The following PCDH15 variants were observed in gnomAD, a reference collection of about 807,000 sequenced individuals.
PCDH15 encodes the protein protocadherin-15.
A neutral mutation model predicts 178.5 loss-of-function variants in PCDH15; 129 were observed. That is an observed-to-expected ratio of 0.72 (90% CI 0.63 to 0.84). The LOEUF (loss-of-function observed/expected upper bound fraction) is 0.84, where lower values mean the gene tolerates loss of function less well. Ranked by LOEUF, PCDH15 falls within the 40% of genes least tolerant of loss-of-function variation. PCDH15 has a pLI of 0.00. For missense variants in PCDH15, 2,230 were observed against 2,099.9 expected, an observed-to-expected ratio of 1.06 and a Z score of -1.21; for synonymous variants, 800 against 732.0, an observed-to-expected ratio of 1.09 and a Z score of -1.50.
At chr10:54,618,612 G>A (rs1041427217) in intron 2 of PCDH15, among the ~76,000 whole-genome samples, 1 of 152,052 alleles carries the variant, frequency 6.6e-6, no homozygotes. Flanking sequence ...ATCTCTGTAT[G>A]TAAATAGACA....
In PCDH15 at chr10:54,450,227, T is replaced by C. The variant is rs997386595; in HGVS notation, c.158-71285A>G. On this transcript the variant is annotated intron_variant, in intron 3 of 37. Transcript: ENST00000644397. ...GTTACATATGCATACATGTGCCATG[T>C]TGGTGTGCTGCACCCATTAACTCGT... Among the ~76,000 whole-genome samples the C allele has an allele frequency of 2.0e-5, 3 of 149,786 alleles. No individual in the cohort carries two copies. The Admixed American group carries it at 2.0e-4, about 10-fold the overall frequency.
chr10:55,142,057 A>G (rs1838367018), intron 2 of PCDH15, among the ~76,000 whole-genome samples: 1 of 152,114 alleles, frequency 6.6e-6, no homozygotes, highest in South Asian at 2.1e-4. Flanking sequence ...TGTATTTGTT[A>G]GAGAATGAGA....
At chr10:54,033,132 T>C (rs575191658) in intron 18 of PCDH15, among the ~76,000 whole-genome samples, 1 of 151,988 alleles carries the variant, frequency 6.6e-6, no homozygotes, top group South Asian at 2.1e-4. Context: ...TAGAATTCTT[T>C]AAGGAAATCT....
At chr10:55,345,782 A>T (rs1399857454) in intron 2 of PCDH15, among the ~76,000 whole-genome samples, 4 of 87,528 alleles carry the variant, frequency 4.6e-5, no homozygotes, top group Non-Finnish European at 1.3e-4. Flanking sequence ...ACTCTACTGA[A>T]TAAATTTCCA....
At chr10:55,055,110 ATTGT>A (rs1467076910) in intron 2 of PCDH15, among the ~76,000 whole-genome samples, 1 of 152,020 alleles carries the variant, frequency 6.6e-6, no homozygotes, top group African/African-American at 2.4e-5. Context: ...CCAGAATTGT[ATTGT>A]TTAAGTTGTC....
chr10:53,913,277 T>C (rs1484502355), intron 25 of PCDH15, among the ~76,000 whole-genome samples: 1 of 152,078 alleles, frequency 6.6e-6, no homozygotes, highest in Non-Finnish European at 1.5e-5. Flanking sequence ...TTATATCTTA[T>C]ACAAAAATTA....
intron 2 of PCDH15, among the ~76,000 whole-genome samples, chr10:55,005,348 C>T (rs10763166): frequency 0.72 from 108,858 of 151,728 alleles, 39,272 homozygotes; most frequent in East Asian, 0.87. Context: ...TCTTCCATAG[C>T]AGGTTTTCAC....
intron 32 of PCDH15, chr10:53,823,040 AG>A: frequency 1.2e-6 from 2 of 1,613,984 alleles, no homozygotes; most frequent in Non-Finnish European, 1.7e-6. Context: ...GGCCCCTCAG[AG>A]ACTTACTCTT....
intron 2 of PCDH15, among the ~76,000 whole-genome samples, chr10:54,589,655 T>A (rs1336648747): frequency 6.6e-6 from 1 of 152,162 alleles, no homozygotes; most frequent in Non-Finnish European, 1.5e-5. Flanking sequence ...ATAGCAACCA[T>A]TCTTTTTTTA....
At chr10:55,571,903 G>T (rs927778953) in intron 2 of PCDH15, among the ~76,000 whole-genome samples, 5 of 152,032 alleles carry the variant, frequency 3.3e-5, no homozygotes, top group African/African-American at 1.2e-4. Flanking sequence ...AGCAATAAAA[G>T]TGTGTAAGGA....
At chr10:54,457,142 T>C (rs2076876400) in intron 3 of PCDH15, among the ~76,000 whole-genome samples, 1 of 152,138 alleles carries the variant, frequency 6.6e-6, no homozygotes, top group African/African-American at 2.4e-5. Flanking sequence ...AAGACTTCTA[T>C]AAATCATGAA....
intron 2 of PCDH15, among the ~76,000 whole-genome samples, chr10:55,003,722 A>C (rs1343401881): frequency 6.6e-6 from 1 of 152,226 alleles, no homozygotes; most frequent in African/African-American, 2.4e-5. Flanking sequence ...TTCAGATATG[A>C]GTAGCCTGCT....
At chr10:55,180,324 C>T (rs1003318486) in intron 1 of PCDH15, among the ~76,000 whole-genome samples, 2 of 152,122 alleles carry the variant, frequency 1.3e-5, no homozygotes, top group South Asian at 4.1e-4. Flanking sequence ...AAAATGACTT[C>T]TTACAATACC....
At chr10:54,772,072 T>C (rs575928932) in intron 1 of PCDH15, among the ~76,000 whole-genome samples, 1 of 152,278 alleles carries the variant, frequency 6.6e-6, no homozygotes, top group South Asian at 2.1e-4. Flanking sequence ...ACTCAGATAA[T>C]AATTTTTCCT....
At chr10:54,054,506 A>T (rs1369598493) in intron 18 of PCDH15, among the ~76,000 whole-genome samples, 1 of 152,162 alleles carries the variant, frequency 6.6e-6, no homozygotes, top group Non-Finnish European at 1.5e-5. Context: ...GTGACCATAA[A>T]GTGGACACAG....
chr10:54,020,377 T>C lies in PCDH15; in HGVS notation c.2566A>G (p.Ile856Val). 6.2e-7 allele frequency: 1 copy of C among 1,613,826 alleles called. No individual in the cohort carries two copies. The highest frequency in any genetic ancestry group is 8.5e-7 in the Non-Finnish European group (1 of 1,179,788). ...AAGTGCTTCACTTCTGGGCTTCTTA[T>C]CCGGTAAGACACATTTGCTCCAAGG... ...VDLGANVSYRIRSPEVKHFFA... is the reference protein window; with the variant it reads ...VDLGANVSYRVRSPEVKHFFA... Residue 856 changes from isoleucine to valine, a missense_variant, in exon 20 of 38, where the codon ATA (isoleucine) becomes GTA (valine). Ile to Val is a conservative substitution (Grantham distance 29, BLOSUM62 3). Coordinates refer to ENST00000644397, the MANE Select transcript of PCDH15 (RefSeq NM_001384140.1).
rs1021736446 is a variant in PCDH15 at position 54,447,645 on chromosome 10, G to C, written c.158-68703C>G. 2.6e-5 allele frequency among the ~76,000 whole-genome samples: 4 copies of C among 151,616 alleles called. No homozygotes were observed. The East Asian group carries it at 7.7e-4, about 29-fold the overall frequency. On this transcript the variant is annotated intron_variant, in intron 3 of 37. Transcript: ENST00000644397. ...AGCTTACTGGACAATTATGTTATTT[G>C]AGTAAATTGAAACATAACAGCTTAT...
chr10:55,540,079 T>C (rs932638493), intron 2 of PCDH15, among the ~76,000 whole-genome samples: 1 of 152,124 alleles, frequency 6.6e-6, no homozygotes, highest in African/African-American at 2.4e-5. Flanking sequence ...CTGCTAAACA[T>C]GTATAAATTA....
chr10:55,390,203 T>C (rs1837758983), intron 2 of PCDH15, among the ~76,000 whole-genome samples: 1 of 152,144 alleles, frequency 6.6e-6, no homozygotes, highest in African/African-American at 2.4e-5. Context: ...AATAGCGTTA[T>C]GTCTAAAAAA....
Sources: allele counts gnomAD v4.1 joint callset (sites outside exome capture counted in the v4.1 genomes callset), GRCh38; gene constraint gnomAD v4.1.1; transcripts MANE v1.5; gene names NCBI Gene and HGNC (gene_info 2026-07-23, HGNC 2026-07-21).